Variants in CIMIP5 observed in about 807,000 individuals in gnomAD.
The protein encoded by CIMIP5 is ciliary microtubule inner protein 5.
At chr2:11,134,588 A>C in the CIMIP5 span, among the ~76,000 whole-genome samples, 1 of 152,124 alleles carries the variant, frequency 6.6e-6, no homozygotes, top group Non-Finnish European at 1.5e-5. Context: ...TTGACTTTCC[A>C]TGTCTGTTTT....
the CIMIP5 span, among the ~76,000 whole-genome samples, chr2:11,137,594 A>C: frequency 6.6e-6 from 1 of 152,214 alleles, no homozygotes; most frequent in African/African-American, 2.4e-5. Context: ...TGGGAGAGAG[A>C]ATGTCTAAAG....
At chr2:11,150,471 G>A in the CIMIP5 span, among the ~76,000 whole-genome samples, 2 of 151,174 alleles carry the variant, frequency 1.3e-5, no homozygotes, top group Admixed American at 1.3e-4. Context: ...TAGCTGGGAT[G>A]ACATGCACCT....
chr2:11,133,216 G>C, the CIMIP5 span: 1 of 1,275,216 alleles, frequency 7.8e-7, no homozygotes, highest in Non-Finnish European at 1.0e-6. Context: ...ACCCTGCCCA[G>C]GCTCTCCCGG....
At chr2:11,136,525 G>A in the CIMIP5 span, among the ~76,000 whole-genome samples, 1 of 152,140 alleles carries the variant, frequency 6.6e-6, no homozygotes, top group Non-Finnish European at 1.5e-5. Context: ...CCAGGAGGTA[G>A]TTGAGTGTGA....
chr2:11,139,338 T>C, the CIMIP5 span, among the ~76,000 whole-genome samples: 2 of 152,196 alleles, frequency 1.3e-5, no homozygotes, highest in African/African-American at 4.8e-5. Flanking sequence ...AAGAAACAGC[T>C]AAAAGGCTGG....
the CIMIP5 span, among the ~76,000 whole-genome samples, chr2:11,151,572 A>G: frequency 6.6e-6 from 1 of 152,334 alleles, no homozygotes. Context: ...GAGCTTAATT[A>G]TTACTCAAAT....
At chr2:11,135,744 T>C in the CIMIP5 span, among the ~76,000 whole-genome samples, 1 of 151,468 alleles carries the variant, frequency 6.6e-6, no homozygotes, top group South Asian at 2.1e-4. Flanking sequence ...TCACTGCAAG[T>C]TCTGGCCAGG....
chr2:11,143,057 C>T, the CIMIP5 span, among the ~76,000 whole-genome samples: 5 of 152,136 alleles, frequency 3.3e-5, no homozygotes, highest in Admixed American at 6.6e-5. Context: ...AGAGTTTACC[C>T]AAACGCACGT....
At chr2:11,150,303 G>A in the CIMIP5 span, among the ~76,000 whole-genome samples, 4 of 150,282 alleles carry the variant, frequency 2.7e-5, no homozygotes, top group East Asian at 4.0e-4. Context: ...AAACTTGCAA[G>A]TGGCTTAACG....
the CIMIP5 span, among the ~76,000 whole-genome samples, chr2:11,135,877 G>A: frequency 9.9e-5 from 15 of 152,188 alleles, no homozygotes; most frequent in East Asian, 2.9e-3. Flanking sequence ...CTCTGATGAT[G>A]AGTGACATTG....
chr2:11,133,169 C>T, the CIMIP5 span: 2 of 776,520 alleles, frequency 2.6e-6, no homozygotes, highest in East Asian at 3.3e-5. Flanking sequence ...CCCCATCGGC[C>T]ACTCTGAGCT....
At chr2:11,140,639 C>T in the CIMIP5 span, 2 of 1,036,312 alleles carry the variant, frequency 1.9e-6, no homozygotes, top group Non-Finnish European at 2.9e-6. Flanking sequence ...TGAAGATCTA[C>T]TCTACACCAG....
the CIMIP5 span, among the ~76,000 whole-genome samples, chr2:11,137,950 A>G: frequency 1.3e-5 from 2 of 152,188 alleles, no homozygotes; most frequent in African/African-American, 4.8e-5. Flanking sequence ...GGTTCACGCC[A>G]TTCTCCTGCC....
At chr2:11,136,050 T>C in the CIMIP5 span, among the ~76,000 whole-genome samples, 5 of 152,218 alleles carry the variant, frequency 3.3e-5, no homozygotes, top group African/African-American at 9.6e-5. Flanking sequence ...AGAAATATGA[T>C]CTGTAAATAT....
the CIMIP5 span, among the ~76,000 whole-genome samples, chr2:11,152,026 G>A: frequency 6.6e-6 from 1 of 152,362 alleles, no homozygotes; most frequent in African/African-American, 2.4e-5. Flanking sequence ...ATCACACGGG[G>A]GTCGAAGTGA....
chr2:11,152,177 T>C, the CIMIP5 span, among the ~76,000 whole-genome samples: 1 of 152,214 alleles, frequency 6.6e-6, no homozygotes, highest in Admixed American at 6.5e-5. Flanking sequence ...TTTACAATAG[T>C]GATGTGATCC....
the CIMIP5 span, chr2:11,144,050 ACTT>A: frequency 3.4e-5 from 55 of 1,603,114 alleles, no homozygotes; most frequent in East Asian, 9.0e-5. Context: ...ATCCGCATGG[ACTT>A]CTTCTTCACA....
the CIMIP5 span, among the ~76,000 whole-genome samples, chr2:11,142,848 T>C: frequency 2.0e-5 from 3 of 151,586 alleles, no homozygotes; most frequent in African/African-American, 7.3e-5. Flanking sequence ...GCCTCCTGAG[T>C]AGCTGGGGCT....
At chr2:11,153,920 G>A in the CIMIP5 span, among the ~76,000 whole-genome samples, 3 of 77,700 alleles carry the variant, frequency 3.9e-5, no homozygotes, top group African/African-American at 1.0e-4. Context: ...GTGAAACTCC[G>A]TCTCAAAAAA....
Sources: allele counts gnomAD v4.1 joint callset (sites outside exome capture counted in the v4.1 genomes callset), GRCh38; gene constraint gnomAD v4.1.1; transcripts MANE v1.5; gene names NCBI Gene and HGNC (gene_info 2026-07-23, HGNC 2026-07-21).